Variants in ADAMTS6 observed in about 807,000 individuals in gnomAD.
The protein encoded by ADAMTS6 is ADAM metallopeptidase with thrombospondin type 1 motif 6, also known as A disintegrin and metalloproteinase with thrombospondin motifs 6.
ADAMTS6 carries 23 observed loss-of-function variants against 144.3 expected under a neutral mutation model. That is an observed-to-expected ratio of 0.16 (90% CI 0.11 to 0.23). The LOEUF is 0.23. Among genes scored for constraint, ADAMTS6 ranks in the 10% least tolerant of loss-of-function variants. ADAMTS6 has a pLI of 1.00. For synonymous variants in ADAMTS6, 444 were observed against 457.5 expected, an observed-to-expected ratio of 0.97 and a Z score of 0.38; for missense variants, 999 against 1,379.6, an observed-to-expected ratio of 0.72 and a Z score of 4.37.
At chr5:65,245,544 A>T (rs1444149922) in intron 14 of ADAMTS6, among the ~76,000 whole-genome samples, 1 of 152,168 alleles carries the variant, frequency 6.6e-6, no homozygotes, top group Admixed American at 6.6e-5. Context: ...CCTGCATTAA[A>T]TTCCCTCTAT....
chr5:65,293,586 T>C (rs1210568385), intron 10 of ADAMTS6, among the ~76,000 whole-genome samples: 1 of 152,060 alleles, frequency 6.6e-6, no homozygotes, highest in Non-Finnish European at 1.5e-5. Flanking sequence ...TGATGGCAAA[T>C]TGGAAACTGA....
chr5:65,397,621 AATCC>A (rs1370630862), intron 7 of ADAMTS6, among the ~76,000 whole-genome samples: 4 of 151,980 alleles, frequency 2.6e-5, no homozygotes, highest in African/African-American at 9.7e-5. Flanking sequence ...TCACACCTGT[AATCC>A]CAGGATTTTG....
chr5:65,299,327 C>G (rs191013080), intron 10 of ADAMTS6, among the ~76,000 whole-genome samples: 143 of 152,158 alleles, frequency 9.4e-4, no homozygotes, highest in Non-Finnish European at 1.7e-3. Context: ...AAGTGAGACC[C>G]AAGTCTATCA....
At chr5:65,173,187 C>G (rs1437372583) in intron 22 of ADAMTS6, among the ~76,000 whole-genome samples, 179 bp from the exon 23 acceptor site, 1 of 152,146 alleles carries the variant, frequency 6.6e-6, no homozygotes, top group Non-Finnish European at 1.5e-5. Flanking sequence ...GTACTTTTAT[C>G]TTTTTCTTAA....
chr5:65,223,085 C>G (rs1021932719), intron 18 of ADAMTS6, among the ~76,000 whole-genome samples: 1 of 151,988 alleles, frequency 6.6e-6, no homozygotes, highest in African/African-American at 2.4e-5. Flanking sequence ...CTGACAATAC[C>G]AAGTATTGAC....
intron 22 of ADAMTS6, among the ~76,000 whole-genome samples, chr5:65,178,437 T>C (rs1202799210): frequency 1.3e-5 from 2 of 152,192 alleles, no homozygotes; most frequent in Non-Finnish European, 2.9e-5. Flanking sequence ...CTACATCTAT[T>C]ATAACCAATA....
At chr5:65,473,483 A>C (rs757341927) in intron 2 of ADAMTS6, 94 bp downstream of exon 2, 69 of 1,080,062 alleles carry the variant, frequency 6.4e-5, no homozygotes, top group Non-Finnish European at 8.6e-5. Flanking sequence ...TACATATCCC[A>C]AAAAAAACTA....
intron 9 of ADAMTS6, among the ~76,000 whole-genome samples, chr5:65,320,049 G>A (rs1395703174): frequency 6.6e-6 from 1 of 152,018 alleles, no homozygotes; most frequent in Non-Finnish European, 1.5e-5. Context: ...CTCCTTGTTG[G>A]TAAGGCTGGT....
intron 10 of ADAMTS6, among the ~76,000 whole-genome samples, chr5:65,296,695 C>A (rs1036302505): frequency 6.6e-6 from 1 of 152,096 alleles, no homozygotes; most frequent in Non-Finnish European, 1.5e-5. Context: ...TGTAGATCTA[C>A]AATCACCTTT....
At chr5:65,314,445 G>A (rs1744796264) in intron 9 of ADAMTS6, among the ~76,000 whole-genome samples, 1 of 151,984 alleles carries the variant, frequency 6.6e-6, no homozygotes, top group Non-Finnish European at 1.5e-5. Flanking sequence ...CATACTAGAA[G>A]GAGAAGAAAA....
chr5:65,192,011 G>C (rs532648108), intron 21 of ADAMTS6, among the ~76,000 whole-genome samples: 1 of 152,024 alleles, frequency 6.6e-6, no homozygotes, highest in Non-Finnish European at 1.5e-5. Context: ...TAATTTCTAT[G>C]ATTCTTCCTA....
intron 7 of ADAMTS6, among the ~76,000 whole-genome samples, chr5:65,335,983 A>G (rs1224676742): frequency 6.6e-6 from 1 of 152,138 alleles, no homozygotes; most frequent in East Asian, 1.9e-4. Flanking sequence ...AAAAGAATAG[A>G]GTATTCAAAG....
chr5:65,314,912 A>G (rs1561412759), intron 9 of ADAMTS6, among the ~76,000 whole-genome samples: 1 of 152,168 alleles, frequency 6.6e-6, no homozygotes, highest in Non-Finnish European at 1.5e-5. Flanking sequence ...AAGGACATCA[A>G]AAAAAGAATA....
chr5:65,302,700 T>C lies in ADAMTS6; in HGVS notation c.1224-2569A>G, dbSNP rs1450613950. 2.0e-5 allele frequency among the ~76,000 whole-genome samples: 3 copies of C among 152,272 alleles called. No individual in the cohort carries two copies. The East Asian group carries it at 5.8e-4, about 29-fold the overall frequency. On this transcript the variant is annotated intron_variant, in intron 9 of 24. Transcript: ENST00000381055. The stretch of plus-strand genomic sequence containing the variant: ...GATTCACATAAAGACCTCAGTAGTG[T>C]AAATGTGTAATGTTTCTTATTTCTC...
rs192539315 is a variant in ADAMTS6, at chr5:65,160,388, G to A, written c.3245-8443C>T. On this transcript the variant is annotated intron_variant, in intron 24 of 24. Coordinates refer to ENST00000381055, the MANE Select transcript of ADAMTS6 (RefSeq NM_197941.4). ...GTGGCGCAATCTCGGCTCACTGCAA[G>A]CTCCGCCTCCCGGGTTCACGCCATT... Among the ~76,000 whole-genome samples, 25 of 148,860 alleles carry A rather than the reference G, an allele frequency of 1.7e-4. No individual in the cohort carries two copies. In the East Asian group the frequency reaches 2.0e-3, roughly 12 times the overall value.
In ADAMTS6 at chr5:65,383,712, C is replaced by G. The variant is rs192093178; in HGVS notation, c.1074-49627G>C. Among the ~76,000 whole-genome samples the G allele has an allele frequency of 7.3e-3, 1,110 of 152,256 alleles. 7 individuals carry two copies. The highest frequency in any genetic ancestry group is 0.011 in the Non-Finnish European group (719 of 68,002). ...TGGGGTGTTGGGGGCATTCCCACCC[C>G]CACAGCTCCACTGGTCATTGCCCTA... is the stretch of plus-strand genomic sequence containing the variant. On this transcript the variant is annotated intron_variant, in intron 7 of 24. Transcript: ENST00000381055.
chr5:65,272,080 G>A (rs77828819), intron 12 of ADAMTS6, among the ~76,000 whole-genome samples: 20 of 152,244 alleles, frequency 1.3e-4, no homozygotes, highest in African/African-American at 2.9e-4. Flanking sequence ...GAATGAAGCC[G>A]TCAGCAAGGA....
chr5:65,370,673 C>G (rs980665561), intron 7 of ADAMTS6, among the ~76,000 whole-genome samples: 2 of 152,180 alleles, frequency 1.3e-5, no homozygotes, highest in African/African-American at 2.4e-5. Context: ...TGAGATCAAA[C>G]GGCAAAGGGC....
chr5:65,173,323 T>C (rs1198024464), intron 22 of ADAMTS6, among the ~76,000 whole-genome samples: 1 of 152,242 alleles, frequency 6.6e-6, no homozygotes, highest in Non-Finnish European at 1.5e-5. Flanking sequence ...AAGATTCTGC[T>C]AATTTTTGGA....
Sources: gnomAD v4.1 joint callset for allele counts (sites outside exome capture counted in the v4.1 genomes callset) on GRCh38, gnomAD v4.1.1 for gene constraint, MANE v1.5 for transcripts, NCBI Gene and HGNC (gene_info 2026-07-23, HGNC 2026-07-21) for gene names.